Variants in LRP1B observed in about 807,000 individuals in gnomAD.
LRP1B encodes the protein low-density lipoprotein receptor-related protein 1B.
Under a neutral mutation model 556.6 loss-of-function variants are expected in LRP1B, and 217 were observed. That is an observed-to-expected ratio of 0.39 (90% CI 0.35 to 0.44). LRP1B has a LOEUF of 0.44. Ranked by LOEUF, LRP1B falls within the 20% of genes least tolerant of loss-of-function variation. LRP1B has a pLI of 1.00. For synonymous variants in LRP1B, 2,047 were observed against 1,865.8 expected (o/e 1.10, Z -2.50); for missense variants, 5,053 against 5,620.8 (o/e 0.90, Z 3.23).
In LRP1B at chr2:140,291,318, A is replaced by ATTTTTTTT. The variant is rs1553440648; in HGVS notation, c.12967+6489_12967+6490insAAAAAAAA. On this transcript the variant is annotated intron_variant, in intron 84 of 90. Coordinates refer to ENST00000389484, the MANE Select transcript of LRP1B (RefSeq NM_018557.3). ...TTATTTTATATATATATATATATAT[A>ATTTTTTTT]TTTTTATTATACTTTAAGTTCTAGG... 3.3e-3 allele frequency among the ~76,000 whole-genome samples: 358 copies of ATTTTTTTT among 109,316 alleles called. 6 individuals carry two copies. The highest frequency in any genetic ancestry group is 0.01 in the African/African-American group (351 of 33,808). 71.7% of individuals were successfully genotyped at this position (109,316 alleles called of 152,430 possible).
intron 18 of LRP1B, among the ~76,000 whole-genome samples, chr2:140,968,824 A>G (rs1696319504): frequency 6.6e-6 from 1 of 152,144 alleles, no homozygotes; most frequent in Non-Finnish European, 1.5e-5. Flanking sequence ...TTCAGTTTCC[A>G]TGTAGTTGAG....
intron 7 of LRP1B, among the ~76,000 whole-genome samples, chr2:141,129,041 TAA>T (rs1413220160): frequency 3.3e-5 from 5 of 152,190 alleles, no homozygotes; most frequent in Non-Finnish European, 5.9e-5. Flanking sequence ...ATAAATGTAC[TAA>T]GTTAATATTT....
At chr2:141,051,543 A>G (rs957582644) in intron 10 of LRP1B, among the ~76,000 whole-genome samples, 2 of 152,046 alleles carry the variant, frequency 1.3e-5, no homozygotes, top group East Asian at 1.9e-4. Flanking sequence ...ACATATTTTA[A>G]TATATAAAGA....
At chr2:140,880,473 G>A (rs575545677) in intron 25 of LRP1B, among the ~76,000 whole-genome samples, 1 of 152,114 alleles carries the variant, frequency 6.6e-6, no homozygotes, top group African/African-American at 2.4e-5. Flanking sequence ...TCACCTGGGA[G>A]ATCAGGTCAA....
intron 1 of LRP1B, among the ~76,000 whole-genome samples, chr2:142,109,000 T>C (rs573512274): frequency 2.6e-5 from 4 of 152,298 alleles, no homozygotes; most frequent in African/African-American, 9.6e-5. Context: ...TAAAGACAAC[T>C]GAGTATTTCA....
chr2:141,354,831 TA>T (rs913893907), intron 3 of LRP1B, among the ~76,000 whole-genome samples: 24 of 152,194 alleles, frequency 1.6e-4, no homozygotes, highest in Non-Finnish European at 2.2e-4. Flanking sequence ...ACTATAGTCT[TA>T]AAAAAACTTG....
intron 41 of LRP1B, among the ~76,000 whole-genome samples, chr2:140,665,686 T>C (rs891898412): frequency 2.0e-5 from 3 of 152,128 alleles, no homozygotes; most frequent in African/African-American, 7.2e-5. Flanking sequence ...CAACTTTACA[T>C]GTAGGTTGAA....
intron 2 of LRP1B, among the ~76,000 whole-genome samples, chr2:141,662,566 G>T (rs571510363): frequency 6.6e-6 from 1 of 151,936 alleles, no homozygotes; most frequent in Non-Finnish European, 1.5e-5. Flanking sequence ...AACCAACAGA[G>T]ATCAAAAAAG....
chr2:140,569,760 T>C (rs922260693), intron 43 of LRP1B, among the ~76,000 whole-genome samples: 3 of 151,848 alleles, frequency 2.0e-5, no homozygotes, highest in Non-Finnish European at 1.5e-5. Context: ...CATGAGCACA[T>C]GGGACATTCT....
At position 141,828,928 on chromosome 2, in the gene LRP1B, T is replaced by TA. The variant is rs549654853; in HGVS notation, c.83-18528dup. Among the ~76,000 whole-genome samples, 485 of 152,240 alleles carry TA rather than the reference T, an allele frequency of 3.2e-3. 2 individuals carry two copies. Among genetic ancestry groups the TA allele is most frequent in the African/African-American group, 0.011 (461 of 41,546 alleles). ...TAAGAGCGTTGATTCAGTTATTTGC[T>TA]AATTGTATCACCTCGGTCCAGCCAC... On this transcript the variant is annotated intron_variant, in intron 1 of 90. Transcript: ENST00000389484.
intron 41 of LRP1B, among the ~76,000 whole-genome samples, chr2:140,611,129 GAAT>G (rs1209875122): frequency 6.6e-6 from 1 of 152,180 alleles, no homozygotes; most frequent in African/African-American, 2.4e-5. Flanking sequence ...TCTACAGGTA[GAAT>G]ACTAGAAATA....
At position 141,599,108 on chromosome 2, in the gene LRP1B, G is replaced by C. The variant is rs146842342; in HGVS notation, c.206-118575C>G. Reference sequence around the variant, plus strand: ...TCTCCTGTCAAGTGCTCTAATTTTGGAAAGTTGCTATTTCAGATCAACTCC... The same window carrying C: ...TCTCCTGTCAAGTGCTCTAATTTTGCAAAGTTGCTATTTCAGATCAACTCC... On this transcript the variant is annotated intron_variant, in intron 2 of 90. Transcript: ENST00000389484. Among the ~76,000 whole-genome samples the C allele has an allele frequency of 2.1e-3, 246 of 115,462 alleles. 3 individuals are homozygous for C. Among genetic ancestry groups the C allele is most frequent in the East Asian group, 9.5e-3 (36 of 3,786 alleles). The allele number at this position is 115,462 out of a possible 152,430, so 75.7% of individuals were successfully genotyped here. A position where few individuals can be genotyped will look rare whatever the true frequency, so the allele number is the denominator to read the frequency against.
At chr2:140,536,843 G>T in intron 45 of LRP1B, 134 bp from the exon 46 acceptor site, 2 of 711,126 alleles carry the variant, frequency 2.8e-6, no homozygotes, top group South Asian at 4.4e-5. Context: ...AAAGAGCAAT[G>T]GTTTATGACA....
At position 142,120,419 on chromosome 2, in the gene LRP1B, C is replaced by T. The variant is rs572949652; in HGVS notation, c.82+10229G>A. On this transcript the variant is annotated intron_variant, in intron 1 of 90. Coordinates refer to ENST00000389484, the MANE Select transcript of LRP1B (RefSeq NM_018557.3). ...GAGCCACCATGCCCGGCCTTTACTACAGTTTTCTTGGAATTTCCAGGGAGG... is the reference window on the plus strand; with the variant it reads ...GAGCCACCATGCCCGGCCTTTACTATAGTTTTCTTGGAATTTCCAGGGAGG... 3.0e-4 allele frequency among the ~76,000 whole-genome samples: 46 copies of T among 152,168 alleles called. 1 individual carries two copies. The South Asian group carries it at 7.7e-3, about 25-fold the overall frequency.
intron 58 of LRP1B, 85 bp from the exon 59 acceptor site, chr2:140,485,609 T>A (rs560354997): frequency 2.2e-6 from 2 of 906,102 alleles, no homozygotes; most frequent in Non-Finnish European, 3.3e-6. Context: ...TACAGAGATA[T>A]AGAATTCCAT....
chr2:140,443,961 C>G (rs554327230), intron 65 of LRP1B, among the ~76,000 whole-genome samples: 190 of 152,144 alleles, frequency 1.2e-3, no homozygotes, highest in African/African-American at 4.2e-3. Context: ...AACTTAATTT[C>G]AAGAAACTGA....
At chr2:141,038,155 C>A (rs1303611913) in intron 11 of LRP1B, among the ~76,000 whole-genome samples, 2 of 151,212 alleles carry the variant, frequency 1.3e-5, no homozygotes. Context: ...AAAAATCTAG[C>A]AAGCTGGGAG....
chr2:140,578,488 A>G (rs1681622955), intron 43 of LRP1B, among the ~76,000 whole-genome samples: 1 of 152,158 alleles, frequency 6.6e-6, no homozygotes, highest in South Asian at 2.1e-4. Context: ...GCCTCCTTCT[A>G]CTCAGCAGTT....
intron 43 of LRP1B, among the ~76,000 whole-genome samples, chr2:140,547,689 T>C (rs1038615460): frequency 1.3e-5 from 2 of 152,068 alleles, no homozygotes; most frequent in Non-Finnish European, 2.9e-5. Flanking sequence ...ATAAATTATA[T>C]GAGTGGAGGC....
Sources: allele counts gnomAD v4.1 joint callset (sites outside exome capture counted in the v4.1 genomes callset), GRCh38; gene constraint gnomAD v4.1.1; transcripts MANE v1.5; gene names NCBI Gene and HGNC (gene_info 2026-07-23, HGNC 2026-07-21).